Variants in NCAPG observed in about 807,000 individuals in gnomAD.
The protein encoded by NCAPG is condensin complex subunit 3.
A neutral mutation model predicts 113.1 loss-of-function variants in NCAPG; 69 were observed. The observed-to-expected ratio is 0.61, with a 90% CI of 0.50 to 0.75. NCAPG has a LOEUF of 0.75. Ranked by LOEUF, NCAPG falls within the 30% of genes least tolerant of loss-of-function variation. The pLI is 0.00. For synonymous variants in NCAPG, 370 were observed against 415.8 expected (o/e 0.89, Z 1.34); for missense variants, 1,058 against 1,177.0 (o/e 0.90, Z 1.48).
rs141337791 is a variant in NCAPG at position 17,831,053 on chromosome 4, C to T, written c.1821C>T (p.Cys607=). The T allele has an allele frequency of 8.1e-6, 13 of 1,613,280 alleles. No individual in the cohort carries two copies. The highest frequency in any genetic ancestry group is 7.7e-5 in the South Asian group (7 of 91,044). ...HPVVRNLAVL[C]LGCCGLQNQD... ...TTGTAAGAAACCTGGCTGTTTTATGCTTGGGATGCTGTGGACTACAGAATC... is the reference window on the plus strand; with the variant it reads ...TTGTAAGAAACCTGGCTGTTTTATGTTTGGGATGCTGTGGACTACAGAATC... Residue 607 remains cysteine, a synonymous_variant, in exon 13 of 21, where the codon TGC becomes TGT. Transcript: ENST00000251496.
chr4:17,834,628 T>G, intron 14 of NCAPG, 105 bp downstream of exon 14: 1 of 735,158 alleles, frequency 1.4e-6, no homozygotes, highest in Non-Finnish European at 2.0e-6. Flanking sequence ...CTGTGATACA[T>G]GTGCAGAACA....
rs375578967 is a variant in NCAPG, at chr4:17,824,992, C to T, written c.1408C>T (p.Arg470Trp). 6.2e-6 allele frequency: 10 copies of T among 1,612,472 alleles called. No individual in the cohort carries two copies. The East Asian group carries it at 8.9e-5, about 14-fold the overall frequency. Residue 470 changes from arginine to tryptophan, a missense_variant, in exon 10 of 21, where the codon CGG (arginine) becomes TGG (tryptophan). Coordinates refer to ENST00000251496, the MANE Select transcript of NCAPG (RefSeq NM_022346.5). ...GGTTACAGAAATTATCTCAGAGATT[C>T]GGGCGCCCATTGTTACTGTTGGTGT... is the stretch of plus-strand genomic sequence containing the variant. ...QIVTEIISEI[R>W]APIVTVGVNN...
intron 6 of NCAPG, 135 bp downstream of exon 6, chr4:17,817,588 T>G (rs1247324915): frequency 1.1e-5 from 8 of 718,880 alleles, no homozygotes; most frequent in African/African-American, 1.8e-5. Context: ...TTTAGTCTGA[T>G]GAATATCCTT....
chr4:17,812,335 G>C lies in NCAPG; in HGVS notation c.226G>C (p.Val76Leu), dbSNP rs753273302. The change falls in exon 2 of 21, where the codon GTT becomes CTT. Residue 76 changes from valine to leucine, a missense_variant. Val to Leu is a conservative substitution (Grantham distance 32, BLOSUM62 1). Transcript: ENST00000251496. ...ERVIEFAAKF[V>L]TSFHQSDMED... ...GGTAATAGAATTTGCAGCAAAGTTT[G>C]TTACCTCATTTCACCAATCAGATAT... 4.3e-6 allele frequency: 7 copies of C among 1,613,766 alleles called. No individual in the cohort carries two copies. The highest frequency in any genetic ancestry group is 5.9e-6 in the Non-Finnish European group (7 of 1,179,832).
Position 17,823,748 on chromosome 4 carries a change from A to G in NCAPG, c.1361A>G (p.Asp454Gly). Residue 454 changes from aspartate to glycine, a missense_variant, in exon 9 of 21, where the codon GAT becomes GGT. Asp to Gly is a moderately conservative substitution (Grantham distance 94). Coordinates refer to ENST00000251496, the MANE Select transcript of NCAPG (RefSeq NM_022346.5). The part of the protein sequence containing the change: ...LVERLLHIII[D>G]DNKRTQIVTE... ...GAAAGACTACTCCACATCATTATAGATGATAATAAGAGAACACAAATTGTA... is the reference window on the plus strand; with the variant it reads ...GAAAGACTACTCCACATCATTATAGGTGATAATAAGAGAACACAAATTGTA... 6.3e-7 allele frequency: 1 copy of G among 1,598,586 alleles called. No individual in the cohort carries two copies. The highest frequency in any genetic ancestry group is 1.1e-5 in the South Asian group (1 of 90,018).
intron 13 of NCAPG, among the ~76,000 whole-genome samples, chr4:17,831,500 C>G (rs1721868372): frequency 1.3e-5 from 2 of 152,052 alleles, no homozygotes; most frequent in South Asian, 4.2e-4. Flanking sequence ...TACAATGTAT[C>G]AGATAGAGAA....
At position 17,830,982 on chromosome 4, in the gene NCAPG, T is replaced by A; in HGVS notation, c.1765-15T>A. The A allele has an allele frequency of 6.2e-7, 1 of 1,606,588 alleles. No individual in the cohort carries two copies. Among genetic ancestry groups the A allele is most frequent in the Non-Finnish European group, 8.5e-7 (1 of 1,176,230 alleles). On this transcript the variant is annotated splice_polypyrimidine_tract_variant and intron_variant, in intron 12 of 20. Transcript: ENST00000251496. ...GATCTATGAAATCATATGGAAAATT[T>A]CTGATTCATTTTAGATTCTTCCTGG...
intron 11 of NCAPG, among the ~76,000 whole-genome samples, chr4:17,826,513 T>A (rs1193610074): frequency 1.3e-5 from 2 of 152,222 alleles, no homozygotes; most frequent in African/African-American, 4.8e-5. Flanking sequence ...TATAGGCTAT[T>A]AAATTTGGAA....
chr4:17,829,205 G>C (rs1721775146), intron 12 of NCAPG, among the ~76,000 whole-genome samples: 1 of 152,112 alleles, frequency 6.6e-6, no homozygotes, highest in Non-Finnish European at 1.5e-5. Context: ...TGTTGTTTTT[G>C]ATAGTACTAC....
intron 19 of NCAPG, chr4:17,841,910 T>C (rs1722448647): frequency 6.4e-6 from 1 of 156,758 alleles, no homozygotes; most frequent in Non-Finnish European, 1.4e-5. Flanking sequence ...CTTTAGCACC[T>C]GTTTATGCAC....
rs770126527 is a variant in NCAPG at position 17,837,345 on chromosome 4, T to C, written c.2291+5T>C. On this transcript the variant is annotated splice_donor_5th_base_variant and intron_variant, in intron 15 of 20. Coordinates refer to ENST00000251496, the MANE Select transcript of NCAPG (RefSeq NM_022346.5). ...CGTGTTTGCTTATGCAAGCAGGTAT[T>C]GAGTCATACTGATAAATCAAAAATC... 8.1e-6 allele frequency: 13 copies of C among 1,598,328 alleles called. No homozygotes were observed. The highest frequency in any genetic ancestry group is 1.0e-5 in the Non-Finnish European group (12 of 1,172,700).
At chr4:17,839,214 A>C (rs1722227715) in intron 16 of NCAPG, among the ~76,000 whole-genome samples, 1 of 152,226 alleles carries the variant, frequency 6.6e-6, no homozygotes, top group South Asian at 2.1e-4. Context: ...CAAAGGCCCC[A>C]GCCAATCCCA....
chr4:17,828,719 C>T (rs930631192), intron 12 of NCAPG, among the ~76,000 whole-genome samples: 1 of 151,912 alleles, frequency 6.6e-6, no homozygotes, highest in African/African-American at 2.4e-5. Flanking sequence ...AATTGTGCTA[C>T]GTAATGAGAC....
intron 11 of NCAPG, among the ~76,000 whole-genome samples, chr4:17,826,767 T>G (rs1024747286): frequency 4.6e-5 from 7 of 152,188 alleles, no homozygotes; most frequent in Admixed American, 3.9e-4. Context: ...AGGTTTCTAG[T>G]GCTGGTAGAG....
Position 17,818,029 on chromosome 4 carries a change from TGAA to T in NCAPG, c.1063_1065del (p.Glu355del). On this transcript the variant is annotated inframe_deletion, in exon 7 of 21. Coordinates refer to ENST00000251496, the MANE Select transcript of NCAPG (RefSeq NM_022346.5). Reference sequence around the variant, plus strand: ...ATTTGAAATCAAAAGGAGATGAAGGTGAAGAATTTTTAGAGCAGATTTTGCCAG... The same window carrying T: ...ATTTGAAATCAAAAGGAGATGAAGGTGAATTTTTAGAGCAGATTTTGCCAG... 6.2e-7 allele frequency: 1 copy of T among 1,613,458 alleles called. No homozygotes were observed. Among genetic ancestry groups the T allele is most frequent in the Middle Eastern group, 1.7e-4 (1 of 6,056 alleles).
rs1447039980 is a variant in NCAPG, at chr4:17,834,352, T to C, written c.1938T>C (p.Phe646=). The C allele has an allele frequency of 1.9e-6, 3 of 1,607,608 alleles. No homozygotes were observed. The highest frequency in any genetic ancestry group is 4.5e-5 in the East Asian group (2 of 44,484). ...AAATAAGTGCTTTAAAGGCAATCTT[T>C]GACCAACTGATGACGTTCGGGATTG... ...TIKISALKAI[F]DQLMTFGIEP... is the part of the protein sequence containing the mutation. Residue 646 remains phenylalanine, a synonymous_variant, in exon 14 of 21, where the codon TTT becomes TTC. Transcript: ENST00000251496.
intron 13 of NCAPG, among the ~76,000 whole-genome samples, chr4:17,832,089 A>G (rs1001867148): frequency 6.6e-6 from 1 of 152,240 alleles, no homozygotes; most frequent in African/African-American, 2.4e-5. Context: ...CTTTATGGAC[A>G]CTGAAATTTG....
chr4:17,834,782 C>G (rs1391302551), intron 14 of NCAPG, among the ~76,000 whole-genome samples: 1 of 152,038 alleles, frequency 6.6e-6, no homozygotes, highest in Non-Finnish European at 1.5e-5. Flanking sequence ...TTCCTCTCCC[C>G]TATGCTCTTT....
At position 17,844,632 on chromosome 4, in the gene NCAPG, G is replaced by C. The variant is rs1279932057; in HGVS notation, c.*1207G>C. The C allele has an allele frequency of 6.6e-6, 1 of 152,194 alleles. No individual in the cohort carries two copies. The highest frequency in any genetic ancestry group is 1.9e-4 in the East Asian group (1 of 5,190). The allele number at this position is 152,194 out of a possible 1,614,324, so 9.4% of individuals were successfully genotyped here. A position where few individuals can be genotyped will look rare whatever the true frequency, so the allele number is the denominator to read the frequency against. ...CTGTTTGTTGGCTCTGTGTTCTCCTGTGCTTCAGATTCCTTATGTGTTGTT... is the reference window on the plus strand; with the variant it reads ...CTGTTTGTTGGCTCTGTGTTCTCCTCTGCTTCAGATTCCTTATGTGTTGTT... On this transcript the variant is annotated 3_prime_UTR_variant, in exon 21 of 21. Coordinates refer to ENST00000251496, the MANE Select transcript of NCAPG (RefSeq NM_022346.5).
Sources: allele counts gnomAD v4.1 joint callset (sites outside exome capture counted in the v4.1 genomes callset), GRCh38; gene constraint gnomAD v4.1.1; transcripts MANE v1.5; gene names NCBI Gene and HGNC (gene_info 2026-07-23, HGNC 2026-07-21).